The following ZC3H12B variants were observed in gnomAD, a reference collection of about 807,000 sequenced individuals.
ZC3H12B encodes the protein zinc finger CCCH-type containing 12B, also known as probable ribonuclease ZC3H12B.
A neutral mutation model predicts 43.9 loss-of-function variants in ZC3H12B; 7 were observed. The ratio of observed to expected loss-of-function variants is 0.16; its 90% CI spans 0.09 to 0.30. The LOEUF is 0.30. ZC3H12B is among the 10% of genes least tolerant of loss of function. The probability of loss-of-function intolerance (pLI) is 1.00; values close to 1 mark genes in which losing one functional copy is unlikely to be tolerated. For synonymous variants in ZC3H12B, 222 were observed against 241.7 expected, an observed-to-expected ratio of 0.92 and a Z score of 0.76; for missense variants, 475 against 670.2, an observed-to-expected ratio of 0.71 and a Z score of 3.22.
At chrX:65,058,489 C>T in the ZC3H12B span, among the ~76,000 whole-genome samples, 1 of 112,233 alleles carries the variant, frequency 8.9e-6, no homozygotes, top group East Asian at 2.8e-4. Context: ...TGCCTGTACT[C>T]GGGGGTGCCT....
chrX:65,094,704 C>T, the ZC3H12B span, among the ~76,000 whole-genome samples: 1 of 112,256 alleles, frequency 8.9e-6, no homozygotes, highest in African/African-American at 3.2e-5. Flanking sequence ...AGTCAGTTTC[C>T]ATTAAAAATG....
At chrX:65,332,971 C>T in the ZC3H12B span, among the ~76,000 whole-genome samples, 1 of 111,603 alleles carries the variant, frequency 9.0e-6, no homozygotes, top group African/African-American at 3.3e-5. Flanking sequence ...TTTAAATTGT[C>T]TTTAATGGAA....
exon 5 of ZC3H12B, chrX:65,502,010 C>A: frequency 8.3e-7 from 1 of 1,209,935 alleles, no homozygotes; most frequent in East Asian, 3.0e-5. Context: ...CCAATCAGAT[C>A]CCAGCATCCG....
intron 3 of ZC3H12B, among the ~76,000 whole-genome samples, chrX:65,457,366 C>T (rs1244885321): frequency 1.6e-4 from 7 of 45,035 alleles, no homozygotes; most frequent in South Asian, 2.8e-3. Flanking sequence ...AGGTGAGGGG[C>T]GCCTCTGCCC....
the ZC3H12B span, among the ~76,000 whole-genome samples, chrX:65,200,905 GGCTAA>G: frequency 4.5e-5 from 5 of 111,584 alleles, no homozygotes; most frequent in African/African-American, 1.6e-4. Flanking sequence ...TGATCGTGGT[GGCTAA>G]GCATTTTGAT....
chrX:65,475,835 A>G (rs1276658021), intron 3 of ZC3H12B, among the ~76,000 whole-genome samples: 1 of 111,636 alleles, frequency 9.0e-6, no homozygotes, highest in Admixed American at 9.5e-5. Context: ...CAAGAACAGC[A>G]TGGGAAACAC....
At chrX:65,077,489 G>A in the ZC3H12B span, among the ~76,000 whole-genome samples, 1 of 112,183 alleles carries the variant, frequency 8.9e-6, no homozygotes, top group Non-Finnish European at 1.9e-5. Flanking sequence ...TTGTGGATCA[G>A]GAGTTAAGAT....
At chrX:65,326,380 T>C in the ZC3H12B span, among the ~76,000 whole-genome samples, 2 of 111,282 alleles carry the variant, frequency 1.8e-5, no homozygotes, top group Non-Finnish European at 3.8e-5. Flanking sequence ...TGGAGGTCAT[T>C]ACTGTTGAGT....
At chrX:65,363,255 A>T (rs1042071304), upstream of ZC3H12B, among the ~76,000 whole-genome samples, 4 of 111,124 alleles carry the variant, frequency 3.6e-5, no homozygotes, top group Admixed American at 3.8e-4. Flanking sequence ...TATTCTCCAA[A>T]GGATATCGGG....
chrX:65,192,932 C>T, the ZC3H12B span, among the ~76,000 whole-genome samples: 27 of 110,228 alleles, frequency 2.4e-4, no homozygotes, highest in African/African-American at 8.9e-4. Flanking sequence ...TGCCACCACC[C>T]CCAGCTAATT....
intron 3 of ZC3H12B, among the ~76,000 whole-genome samples, chrX:65,459,660 C>A (rs949803332): frequency 9.0e-6 from 1 of 111,568 alleles, no homozygotes; most frequent in Non-Finnish European, 1.9e-5. Context: ...TTCAACAGTC[C>A]CTCATGCTAA....
At chrX:65,232,449 A>G in the ZC3H12B span, among the ~76,000 whole-genome samples, 1 of 111,677 alleles carries the variant, frequency 9.0e-6, no homozygotes, top group South Asian at 3.7e-4. Flanking sequence ...GGTGGTACGG[A>G]TGGAATTAAA....
chrX:65,117,117 T>C, the ZC3H12B span, among the ~76,000 whole-genome samples: 2 of 112,006 alleles, frequency 1.8e-5, no homozygotes, highest in Non-Finnish European at 3.8e-5. Flanking sequence ...TAGTTCTAGA[T>C]CCTTGAGGAA....
chrX:65,100,582 A>AAAAAAAAAAAAAAAAAAAAAAAG, the ZC3H12B span, among the ~76,000 whole-genome samples: 1 of 102,063 alleles, frequency 9.8e-6, no homozygotes, highest in African/African-American at 3.6e-5. Context: ...AAAAAAAAAA[A>AAAAAAAAAAAAAAAAAAAAAAAG]AAAAAAAAAA....
the ZC3H12B span, among the ~76,000 whole-genome samples, chrX:65,226,487 A>G: frequency 1.8e-5 from 2 of 111,704 alleles, no homozygotes; most frequent in Non-Finnish European, 3.8e-5. Flanking sequence ...TGAGCAAAAT[A>G]ACCAGCTAAC....
At chrX:65,137,865 A>T in the ZC3H12B span, among the ~76,000 whole-genome samples, 2 of 112,572 alleles carry the variant, frequency 1.8e-5, no homozygotes, top group East Asian at 2.8e-4. Flanking sequence ...GTCTCGCTCT[A>T]TTGCCCAGGC....
chrX:65,234,971 C>T, the ZC3H12B span, among the ~76,000 whole-genome samples: 41 of 111,981 alleles, frequency 3.7e-4, 1 homozygote, highest in East Asian at 6.2e-3. Flanking sequence ...TGTTAGTTTG[C>T]TGAGGATAAT....
chrX:65,295,308 T>G, the ZC3H12B span, among the ~76,000 whole-genome samples: 11 of 111,824 alleles, frequency 9.8e-5, no homozygotes. Context: ...GAGTGATTAT[T>G]GGGTCAACAA....
At chrX:65,284,578 A>G in the ZC3H12B span, among the ~76,000 whole-genome samples, 2 of 111,375 alleles carry the variant, frequency 1.8e-5, no homozygotes, top group East Asian at 2.8e-4. Flanking sequence ...CCTGGCCAAC[A>G]TGGTGAAACC....
Sources: gnomAD v4.1 joint callset for allele counts (sites outside exome capture counted in the v4.1 genomes callset) on GRCh38, gnomAD v4.1.1 for gene constraint, MANE v1.5 for transcripts, NCBI Gene and HGNC (gene_info 2026-07-23, HGNC 2026-07-21) for gene names.